Variants in PIK3C3 observed in about 807,000 individuals in gnomAD.
The protein encoded by PIK3C3 is phosphatidylinositol 3-kinase catalytic subunit type 3.
Under a neutral mutation model 126.1 loss-of-function variants are expected in PIK3C3, and 95 were observed. The observed-to-expected ratio is 0.75, with a 90% CI of 0.64 to 0.89. The LOEUF (loss-of-function observed/expected upper bound fraction) is 0.89. Among genes scored for constraint, PIK3C3 ranks in the 40% least tolerant of loss-of-function variants. The pLI, the probability that PIK3C3 is intolerant of heterozygous loss-of-function variation, is 0.00. For synonymous variants in PIK3C3, 374 were observed against 360.0 expected (o/e 1.04, Z -0.44); for missense variants, 829 against 1,063.2 (o/e 0.78, Z 3.06).
chr18:42,077,221 G>A (rs575245498), intron 24 of PIK3C3, among the ~76,000 whole-genome samples: 1 of 152,320 alleles, frequency 6.6e-6, no homozygotes, highest in African/African-American at 2.4e-5. Context: ...TTTTGCTGGT[G>A]GAGGGTCTTG....
chr18:42,050,418 A>G (rs777024809), intron 21 of PIK3C3: 2 of 152,220 alleles, frequency 1.3e-5, no homozygotes, highest in Non-Finnish European at 2.9e-5. Flanking sequence ...CATTTCATTA[A>G]CTTCAAATTG....
At position 42,084,997 on chromosome 18, in the gene PIK3C3, T is replaced by TAAG. The variant is rs773792281; in HGVS notation, c.*3861_*3862insAGA. ...ACAGAAGATAAATTTGAGGCTCTGT[T>TAAG]ACGCTGGTCATCCAACCCAACCAGG... On this transcript the variant is annotated 3_prime_UTR_variant, in exon 25 of 25. Coordinates refer to ENST00000262039, the MANE Select transcript of PIK3C3 (RefSeq NM_002647.4). 9 of 152,224 alleles carry TAAG rather than the reference T, an allele frequency of 5.9e-5. No homozygotes were observed. Among genetic ancestry groups the TAAG allele is most frequent in the South Asian group, 4.1e-4 (2 of 4,830 alleles). The allele number at this position is 152,224 out of a possible 1,614,324, so 9.4% of individuals were successfully genotyped here. A position where few individuals can be genotyped will look rare whatever the true frequency, so the allele number is the denominator to read the frequency against.
intron 9 of PIK3C3, 95 bp downstream of exon 9, chr18:41,996,825 C>A: frequency 2.9e-6 from 2 of 686,152 alleles, no homozygotes; most frequent in Non-Finnish European, 2.5e-6. Flanking sequence ...TTGTTATTGT[C>A]ACTTTAAAGA....
rs1980912747 is a variant in PIK3C3 at position 41,976,196 on chromosome 18, A to G, written c.531+5740A>G. On this transcript the variant is annotated intron_variant, in intron 4 of 24. Transcript: ENST00000262039. ...GGATTGAAGTAGTTTGACCCACTAT[A>G]ATATTTACCCTTGAAAGAAAGTATT... Among the ~76,000 whole-genome samples the G allele has an allele frequency of 2.6e-5, 4 of 152,256 alleles. No individual in the cohort carries two copies. In the South Asian group the frequency reaches 8.3e-4, roughly 32 times the overall value.
intron 9 of PIK3C3, among the ~76,000 whole-genome samples, chr18:42,002,123 A>G (rs12954899): frequency 0.081 from 12,402 of 152,250 alleles, 612 homozygotes; most frequent in Non-Finnish European, 0.11. Flanking sequence ...AAATTGAGCC[A>G]GCTTCTAAAG....
chr18:42,007,569 T>G (rs1982613324), intron 10 of PIK3C3, among the ~76,000 whole-genome samples: 1 of 152,170 alleles, frequency 6.6e-6, no homozygotes, highest in Admixed American at 6.5e-5. Context: ...TATACATTCT[T>G]AACATTTTGA....
chr18:42,000,035 T>G (rs1027060045), intron 9 of PIK3C3, among the ~76,000 whole-genome samples: 2 of 152,172 alleles, frequency 1.3e-5, no homozygotes, highest in Admixed American at 6.6e-5. Flanking sequence ...AAAATGTGTG[T>G]TAACAAGTGA....
Position 42,015,525 on chromosome 18 carries a change from G to T in PIK3C3, c.1375G>T (p.Ala459Ser). ...TCCTTCAGTCTCTTCACCTCCTCCT[G>T]CATCAAAAACAAAAGAAGTTCCAGA... ...PLPSVSSPPP[A>S]SKTKEVPDGE... is the part of the protein sequence containing the mutation. Residue 459 changes from alanine to serine, a missense_variant, in exon 12 of 25, where the codon GCA (alanine) becomes TCA (serine). Physicochemically the swap from Ala to Ser is moderately conservative, Grantham distance 99 (BLOSUM62 1). This residue lies in a region of PIK3C3 where 256 missense variants were observed against 291.0 expected (regional missense o/e 0.88). Transcript: ENST00000262039. 6.2e-7 allele frequency: 1 copy of T among 1,613,526 alleles called. No homozygotes were observed. Among genetic ancestry groups the T allele is most frequent in the Non-Finnish European group, 8.5e-7 (1 of 1,179,774 alleles).
chr18:42,076,211 C>CACAT (rs1986026640), intron 24 of PIK3C3, among the ~76,000 whole-genome samples: 2 of 135,120 alleles, frequency 1.5e-5, no homozygotes, highest in South Asian at 4.5e-4. Flanking sequence ...TATATATGCA[C>CACAT]ATATATATAT....
intron 9 of PIK3C3, among the ~76,000 whole-genome samples, chr18:42,001,999 G>A (rs937293837): frequency 6.6e-6 from 1 of 152,164 alleles, no homozygotes. Flanking sequence ...GTGTGCAGGA[G>A]GTGTAGAGGA....
chr18:42,056,003 G>A (rs966533012), intron 21 of PIK3C3, among the ~76,000 whole-genome samples: 1 of 151,982 alleles, frequency 6.6e-6, no homozygotes, highest in African/African-American at 2.4e-5. Context: ...CAACCAGTTT[G>A]TTTTATGTAT....
intron 2 of PIK3C3, among the ~76,000 whole-genome samples, chr18:41,960,938 C>T (rs1196418374): frequency 6.6e-6 from 1 of 151,992 alleles, no homozygotes; most frequent in African/African-American, 2.4e-5. Flanking sequence ...GACACGGTTT[C>T]ACCATGTTGG....
intron 22 of PIK3C3, chr18:42,059,694 A>G (rs1043306275): frequency 2.6e-5 from 4 of 152,140 alleles, no homozygotes; most frequent in African/African-American, 9.7e-5. Context: ...TTTTATGCAG[A>G]GTTTTAATGA....
At chr18:42,012,212 A>C (rs1319331499) in intron 10 of PIK3C3, among the ~76,000 whole-genome samples, 1 of 151,922 alleles carries the variant, frequency 6.6e-6, no homozygotes, top group African/African-American at 2.4e-5. Context: ...CAATGTGTGC[A>C]AGGTACAATA....
At chr18:42,051,980 TAATAA>T (rs1006401497) in intron 21 of PIK3C3, among the ~76,000 whole-genome samples, 3 of 151,046 alleles carry the variant, frequency 2.0e-5, no homozygotes, top group Admixed American at 6.6e-5. Flanking sequence ...ATAATAATAA[TAATAA>T]AATAAAAAAT....
In PIK3C3 at chr18:42,067,446, G is replaced by C. The variant is rs750024777; in HGVS notation, c.2582G>C (p.Ser861Thr). The change falls in exon 24 of 25, where the codon AGT becomes ACT. Residue 861 changes from serine (S) to threonine (T), a missense_variant. This residue lies in a region of PIK3C3 where 196 missense variants were observed against 312.8 expected (regional missense o/e 0.63). Transcript: ENST00000262039. ...SDEEAVHYMQSLIDESVHALF... is the reference protein window; with the variant it reads ...SDEEAVHYMQTLIDESVHALF... Reference sequence around the variant, plus strand: ...GAAGAGGCTGTGCATTACATGCAGAGTCTGATTGATGAGAGTGTCCATGCT... The same window carrying C: ...GAAGAGGCTGTGCATTACATGCAGACTCTGATTGATGAGAGTGTCCATGCT... 5.0e-6 allele frequency: 8 copies of C among 1,614,082 alleles called. No individual in the cohort carries two copies. In the South Asian group the frequency reaches 6.6e-5, roughly 13 times the overall value.
At chr18:42,010,582 C>T (rs1284321468) in intron 10 of PIK3C3, among the ~76,000 whole-genome samples, 2 of 152,016 alleles carry the variant, frequency 1.3e-5, no homozygotes, top group Admixed American at 1.3e-4. Flanking sequence ...GCCAGGCTGG[C>T]CTTGAACTCC....
At chr18:42,057,065 C>T (rs374351408) in intron 21 of PIK3C3, among the ~76,000 whole-genome samples, 2 of 142,394 alleles carry the variant, frequency 1.4e-5, no homozygotes, top group African/African-American at 2.6e-5. Flanking sequence ...TGAACCCCCC[C>T]CCCCGTGTTG....
intron 10 of PIK3C3, 97 bp downstream of exon 10, chr18:42,004,638 A>T (rs1982455873): frequency 7.5e-6 from 7 of 936,598 alleles, no homozygotes; most frequent in South Asian, 1.9e-5. Context: ...TGAGAGAGAG[A>T]GTGTGTGCAC....
Sources: allele counts gnomAD v4.1 joint callset (sites outside exome capture counted in the v4.1 genomes callset), GRCh38; gene constraint gnomAD v4.1.1; regional missense constraint gnomAD v4.1.1; transcripts MANE v1.5; gene names NCBI Gene and HGNC (gene_info 2026-07-23, HGNC 2026-07-21).